Variants in ADGRB3 observed in about 807,000 individuals in gnomAD.
The protein encoded by ADGRB3 is brain-specific angiogenesis inhibitor 3.
Under a neutral mutation model 193.4 loss-of-function variants are expected in ADGRB3, and 37 were observed. The ratio of observed to expected loss-of-function variants is 0.19; its 90% confidence interval spans 0.15 to 0.25. The LOEUF (loss-of-function observed/expected upper bound fraction) is 0.25, where lower values mean the gene tolerates loss of function less well. Among genes scored for constraint, ADGRB3 ranks in the 10% least tolerant of loss-of-function variants. The pLI, the probability that ADGRB3 is intolerant of heterozygous loss-of-function variation, is 1.00. For synonymous variants in ADGRB3, 690 were observed against 644.2 expected, an observed-to-expected ratio of 1.07 and a Z score of -1.08; for missense variants, 1,637 against 1,852.9, an observed-to-expected ratio of 0.88 and a Z score of 2.14.
chr6:68,821,731 G>A (rs1767751062), intron 3 of ADGRB3, among the ~76,000 whole-genome samples: 1 of 151,574 alleles, frequency 6.6e-6, no homozygotes, highest in African/African-American at 2.4e-5. Flanking sequence ...TGGTAGCAAA[G>A]CTGCATTGTT....
At chr6:69,179,398 T>A (rs528446677) in intron 17 of ADGRB3, among the ~76,000 whole-genome samples, 4 of 152,326 alleles carry the variant, frequency 2.6e-5, no homozygotes, top group Non-Finnish European at 5.9e-5. Context: ...GCTTGAAAAG[T>A]TTCTTTATGT....
At chr6:69,039,967 C>T (rs1440125618) in intron 13 of ADGRB3, among the ~76,000 whole-genome samples, 3 of 152,008 alleles carry the variant, frequency 2.0e-5, no homozygotes, top group African/African-American at 7.2e-5. Flanking sequence ...GTCTCGATCT[C>T]CTGACATCGT....
intron 20 of ADGRB3, among the ~76,000 whole-genome samples, chr6:69,292,324 G>C (rs1767704268): frequency 6.6e-6 from 1 of 151,896 alleles, no homozygotes; most frequent in Non-Finnish European, 1.5e-5. Context: ...AAGAAGTATA[G>C]TGAGGGGCTG....
intron 29 of ADGRB3, among the ~76,000 whole-genome samples, chr6:69,362,010 A>G (rs1291792510): frequency 6.6e-6 from 1 of 151,928 alleles, no homozygotes; most frequent in Admixed American, 6.6e-5. Context: ...CATTATACTG[A>G]TGAAAAACTA....
chr6:69,034,522 A>G (rs985615509), intron 13 of ADGRB3, among the ~76,000 whole-genome samples: 2 of 148,846 alleles, frequency 1.3e-5, no homozygotes, highest in South Asian at 2.1e-4. Context: ...TAAAATTTAT[A>G]TAGCTATAAA....
chr6:68,813,724 A>C (rs1232485292), intron 3 of ADGRB3, among the ~76,000 whole-genome samples: 1 of 151,932 alleles, frequency 6.6e-6, no homozygotes, highest in Non-Finnish European at 1.5e-5. Flanking sequence ...ATCCCACAAC[A>C]GGCCCCGGTG....
chr6:69,025,942 GGT>G (rs1269367134), intron 13 of ADGRB3, among the ~76,000 whole-genome samples: 1 of 152,184 alleles, frequency 6.6e-6, no homozygotes, highest in Non-Finnish European at 1.5e-5. Flanking sequence ...AAACTGCCCA[GGT>G]GTGTAATGGG....
chr6:68,718,052 G>C (rs1475441658), intron 3 of ADGRB3, among the ~76,000 whole-genome samples: 2 of 151,696 alleles, frequency 1.3e-5, no homozygotes, highest in African/African-American at 2.4e-5. Flanking sequence ...TCTTGAAGAA[G>C]GGATAAAGTT....
In ADGRB3 at chr6:69,172,671, A is replaced by AG. The variant is rs1220234521; in HGVS notation, c.2481-60619_2481-60618insG. Among the ~76,000 whole-genome samples, 34 of 138,004 alleles carry AG rather than the reference A, an allele frequency of 2.5e-4. 3 individuals are homozygous for AG. Among genetic ancestry groups the AG allele is most frequent in the Non-Finnish European group, 4.7e-4 (30 of 64,450 alleles). 90.5% of individuals were successfully genotyped at this position (138,004 alleles called of 152,430 possible). ...AAAAAAAAAAAAAAAAAAAAAAAAA[A>AG]AGAGAAATAAAGAAAAAGAAAAGAA... On this transcript the variant is annotated intron_variant, in intron 17 of 31. Coordinates refer to ENST00000370598, the MANE Select transcript of ADGRB3 (RefSeq NM_001704.3).
At chr6:68,758,212 G>A (rs1349314491) in intron 3 of ADGRB3, among the ~76,000 whole-genome samples, 1 of 151,824 alleles carries the variant, frequency 6.6e-6, no homozygotes, top group African/African-American at 2.4e-5. Context: ...CACATTTTTG[G>A]TACATATGAA....
intron 13 of ADGRB3, among the ~76,000 whole-genome samples, chr6:69,037,976 C>T (rs1247173463): frequency 1.3e-5 from 2 of 152,124 alleles, no homozygotes; most frequent in Non-Finnish European, 2.9e-5. Flanking sequence ...CTATGCCAGT[C>T]CATGAGGATG....
chr6:68,886,835 A>G (rs532017419), intron 3 of ADGRB3, among the ~76,000 whole-genome samples: 233 of 152,126 alleles, frequency 1.5e-3, no homozygotes, highest in Non-Finnish European at 2.7e-3. Flanking sequence ...CTTTATATGT[A>G]CTGTTCTGTG....
intron 20 of ADGRB3, among the ~76,000 whole-genome samples, chr6:69,289,136 A>G (rs2127291513): frequency 6.6e-6 from 1 of 152,286 alleles, no homozygotes; most frequent in Admixed American, 6.5e-5. Flanking sequence ...TCTACCCAAA[A>G]GAATAGAAGT....
intron 4 of ADGRB3, among the ~76,000 whole-genome samples, chr6:68,934,233 T>A (rs928373338): frequency 6.6e-6 from 1 of 152,176 alleles, no homozygotes; most frequent in Non-Finnish European, 1.5e-5. Context: ...TTTATTTATT[T>A]ACTTAGTTTA....
chr6:69,103,802 T>C (rs1773134294), intron 17 of ADGRB3, among the ~76,000 whole-genome samples: 1 of 150,262 alleles, frequency 6.7e-6, no homozygotes, highest in Non-Finnish European at 1.5e-5. Context: ...ATTTATTTTA[T>C]AAAGTCACAT....
intron 3 of ADGRB3, among the ~76,000 whole-genome samples, chr6:68,700,533 A>C (rs1765225809): frequency 6.6e-6 from 1 of 152,086 alleles, no homozygotes; most frequent in Non-Finnish European, 1.5e-5. Flanking sequence ...AAATATAGTC[A>C]GTGTTATTTT....
intron 17 of ADGRB3, among the ~76,000 whole-genome samples, chr6:69,146,786 G>A (rs1774508883): frequency 1.3e-5 from 2 of 149,452 alleles, no homozygotes; most frequent in South Asian, 4.2e-4. Flanking sequence ...TTTATTGCTG[G>A]AAGACTTTTT....
rs866994374 is a variant in ADGRB3 at position 69,297,370 on chromosome 6, C to T, written c.2815-27502C>T. Among the ~76,000 whole-genome samples the T allele has an allele frequency of 2.5e-3, 263 of 103,840 alleles. 1 individual carries two copies. Among genetic ancestry groups the T allele is most frequent in the Non-Finnish European group, 3.4e-3 (164 of 48,224 alleles). 68.1% of individuals were successfully genotyped at this position (103,840 alleles called of 152,430 possible). ...TCTCTCTCTCTCTCTCTCTCTCTTT[C>T]TCTCTCTCTCTCTCTCTCTCTATCT... On this transcript the variant is annotated intron_variant, in intron 20 of 31. Transcript: ENST00000370598.
intron 3 of ADGRB3, among the ~76,000 whole-genome samples, chr6:68,897,809 A>G (rs1766278702): frequency 6.6e-6 from 1 of 150,802 alleles, no homozygotes; most frequent in African/African-American, 2.4e-5. Flanking sequence ...AACAGAAAGA[A>G]AGAAGAAAAG....
Sources: gnomAD v4.1 joint callset for allele counts (sites outside exome capture counted in the v4.1 genomes callset) on GRCh38, gnomAD v4.1.1 for gene constraint, MANE v1.5 for transcripts, NCBI Gene and HGNC (gene_info 2026-07-23, HGNC 2026-07-21) for gene names.